The following CSMD1 variants were observed in gnomAD, a reference collection of about 807,000 sequenced individuals.
The protein encoded by CSMD1 is CUB and Sushi multiple domains 1.
In CSMD1, 213 loss-of-function variants were observed where a neutral mutation model predicts 417.5. The ratio of observed to expected loss-of-function variants is 0.51; its 90% CI spans 0.46 to 0.57. The LOEUF (loss-of-function observed/expected upper bound fraction) is 0.57. Ranked by LOEUF, CSMD1 falls within the 20% of genes least tolerant of loss-of-function variation. The probability of loss-of-function intolerance (pLI) is 0.00; values close to 1 mark genes in which losing one functional copy is unlikely to be tolerated. For missense variants in CSMD1, 6,923 were observed against 4,529.7 expected (o/e 1.53, Z -15.17); for synonymous variants, 2,862 against 1,736.8 (o/e 1.65, Z -16.11).
intron 3 of CSMD1, among the ~76,000 whole-genome samples, chr8:4,062,572 TAA>T (rs1799031820): frequency 1.3e-5 from 2 of 152,070 alleles, no homozygotes; most frequent in Non-Finnish European, 2.9e-5. Flanking sequence ...ACATATCCTA[TAA>T]AAGTTTTCAG....
At chr8:4,673,388 G>C (rs1366492699) in intron 1 of CSMD1, among the ~76,000 whole-genome samples, 1 of 152,106 alleles carries the variant, frequency 6.6e-6, no homozygotes, top group Admixed American at 6.5e-5. Flanking sequence ...TAGGTGACCT[G>C]CTGCCATCTG....
rs369090560 is a variant in CSMD1 at position 4,362,943 on chromosome 8, T to C, written c.415+57010A>G. 3.0e-4 allele frequency among the ~76,000 whole-genome samples: 46 copies of C among 152,328 alleles called. 1 individual carries two copies. The highest frequency in any genetic ancestry group is 1.0e-3 in the African/African-American group (42 of 41,570). ...TTCTTAAACTGTTAGGACAAGTCTA[T>C]GTAATTTAAGCCAAATATCTAAAAA... On this transcript the variant is annotated intron_variant, in intron 3 of 69. Coordinates refer to ENST00000635120, the MANE Select transcript of CSMD1 (RefSeq NM_033225.6).
At position 3,112,013 on chromosome 8, in the gene CSMD1, G is replaced by A. The variant is rs536687538; in HGVS notation, c.6431-1678C>T. On this transcript the variant is annotated intron_variant, in intron 42 of 69. Transcript: ENST00000635120. ...CTTTAAAACTCAACTCCTTGTCACC[G>A]CTTCCTTAAGGTCTTTCCTGCTTGC... 3.3e-5 allele frequency among the ~76,000 whole-genome samples: 5 copies of A among 151,652 alleles called. No homozygotes were observed. In the East Asian group the frequency reaches 7.9e-4, roughly 24 times the overall value.
chr8:3,599,414 C>T (rs1313777174), intron 8 of CSMD1, among the ~76,000 whole-genome samples: 3 of 152,008 alleles, frequency 2.0e-5, no homozygotes, highest in Non-Finnish European at 4.4e-5. Flanking sequence ...CACAATATAG[C>T]ACTATTAAAT....
intron 39 of CSMD1, among the ~76,000 whole-genome samples, chr8:3,156,724 G>T (rs374374094): frequency 6.6e-6 from 1 of 152,100 alleles, no homozygotes; most frequent in South Asian, 2.1e-4. Flanking sequence ...TTTAAATAAA[G>T]ACAAGATCAG....
In CSMD1 at chr8:4,901,970, C is replaced by A. The variant is rs570680052; in HGVS notation, c.85+92362G>T. Among the ~76,000 whole-genome samples the A allele has an allele frequency of 3.8e-3, 574 of 152,240 alleles. 5 individuals are homozygous for A. The highest frequency in any genetic ancestry group is 0.013 in the African/African-American group (546 of 41,538). ...ACAACCAGAGGTCAAATACCAAAGA[C>A]ATAATGTCAACCTCAAACATCATTT... On this transcript the variant is annotated intron_variant, in intron 1 of 69. Coordinates refer to ENST00000635120, the MANE Select transcript of CSMD1 (RefSeq NM_033225.6).
intron 52 of CSMD1, among the ~76,000 whole-genome samples, chr8:3,012,382 G>A (rs184663125): frequency 9.2e-5 from 14 of 152,156 alleles, no homozygotes; most frequent in Admixed American, 2.6e-4. Flanking sequence ...TCCTGTGTTT[G>A]GCCACTCCAG....
intron 23 of CSMD1, among the ~76,000 whole-genome samples, chr8:3,334,126 G>C (rs995800612): frequency 1.3e-5 from 2 of 152,194 alleles, no homozygotes; most frequent in Admixed American, 1.3e-4. Flanking sequence ...TGTTTGGGTA[G>C]AGATAGGTGG....
chr8:4,716,001 C>T (rs762485491), intron 1 of CSMD1, among the ~76,000 whole-genome samples: 2 of 152,114 alleles, frequency 1.3e-5, no homozygotes, highest in Non-Finnish European at 2.9e-5. Context: ...TACCAGTGGT[C>T]CAAAGAGCAC....
At chr8:4,584,586 G>T (rs1247942555) in intron 2 of CSMD1, among the ~76,000 whole-genome samples, 1 of 152,134 alleles carries the variant, frequency 6.6e-6, no homozygotes, top group Admixed American at 6.5e-5. Flanking sequence ...CTTCTGGGCT[G>T]AGCCGAGGGT....
intron 18 of CSMD1, among the ~76,000 whole-genome samples, chr8:3,378,886 G>C (rs1810470667): frequency 6.6e-6 from 1 of 152,208 alleles, no homozygotes; most frequent in Non-Finnish European, 1.5e-5. Context: ...AGTATTGGAA[G>C]TTCTGGCCAG....
chr8:3,258,251 C>T (rs544022299), intron 26 of CSMD1, among the ~76,000 whole-genome samples: 23 of 151,978 alleles, frequency 1.5e-4, no homozygotes, highest in East Asian at 5.8e-4. Context: ...CAAATTTACA[C>T]GACAAAAACA....
At chr8:3,413,481 T>C (rs577629166) in intron 12 of CSMD1, among the ~76,000 whole-genome samples, 2 of 152,270 alleles carry the variant, frequency 1.3e-5, no homozygotes, top group South Asian at 4.1e-4. Context: ...TTATCAGGCA[T>C]TAGGGGTTGA....
intron 2 of CSMD1, among the ~76,000 whole-genome samples, chr8:4,459,116 G>A (rs997485440): frequency 1.3e-5 from 2 of 152,312 alleles, no homozygotes; most frequent in East Asian, 1.9e-4. Context: ...CTAACCAGGA[G>A]GGTCAGGCCA....
chr8:4,807,275 T>A (rs528333513), intron 1 of CSMD1, among the ~76,000 whole-genome samples: 4 of 152,172 alleles, frequency 2.6e-5, no homozygotes, highest in Non-Finnish European at 4.4e-5. Context: ...CCCAGCCACA[T>A]TGACTTTGGA....
intron 1 of CSMD1, among the ~76,000 whole-genome samples, chr8:4,799,381 G>A (rs1317797410): frequency 6.6e-6 from 1 of 151,900 alleles, no homozygotes; most frequent in African/African-American, 2.4e-5. Flanking sequence ...TCATATAAGT[G>A]TTTTAAAATA....
chr8:4,916,913 C>T lies in CSMD1; in HGVS notation c.85+77419G>A, dbSNP rs544555519. Among the ~76,000 whole-genome samples the T allele has an allele frequency of 3.3e-4, 50 of 152,268 alleles. No individual in the cohort carries two copies. In the South Asian group the frequency reaches 7.3e-3, roughly 22 times the overall value. On this transcript the variant is annotated intron_variant, in intron 1 of 69. Transcript: ENST00000635120. Reference sequence around the variant, plus strand: ...TACAGTTTTTGACTGGTGATGGATACCAACATTCATGTCAACAGGGTGTGA... The same window carrying T: ...TACAGTTTTTGACTGGTGATGGATATCAACATTCATGTCAACAGGGTGTGA...
intron 1 of CSMD1, among the ~76,000 whole-genome samples, chr8:4,705,869 C>T (rs1807903393): frequency 6.6e-6 from 1 of 152,080 alleles, no homozygotes; most frequent in Non-Finnish European, 1.5e-5. Context: ...TTAAAATATA[C>T]AGATTCTTTC....
At chr8:3,827,932 G>C (rs529028635) in intron 5 of CSMD1, among the ~76,000 whole-genome samples, 1 of 152,298 alleles carries the variant, frequency 6.6e-6, no homozygotes, top group African/African-American at 2.4e-5. Flanking sequence ...ATTTAAAAGA[G>C]AAAATAAAGT....
Sources: allele counts gnomAD v4.1 joint callset (sites outside exome capture counted in the v4.1 genomes callset), GRCh38; gene constraint gnomAD v4.1.1; transcripts MANE v1.5; gene names NCBI Gene and HGNC (gene_info 2026-07-23, HGNC 2026-07-21).